RP1: variants seen among roughly 807,000 people sequenced by gnomAD.
The protein encoded by RP1 is oxygen-regulated protein 1.
In RP1, 16 loss-of-function variants were observed where a neutral mutation model predicts 14.8. The ratio of observed to expected loss-of-function variants is 1.08; its 90% CI spans 0.73 to 1.65. The LOEUF is 1.65. Among genes scored for constraint, RP1 ranks in the 40% most tolerant of loss-of-function variants. The probability of loss-of-function intolerance (pLI) is 0.00; values close to 1 mark genes in which losing one functional copy is unlikely to be tolerated. For synonymous variants in RP1, 876 were observed against 883.6 expected, an observed-to-expected ratio of 0.99 and a Z score of 0.15; for missense variants, 2,631 against 2,535.0, an observed-to-expected ratio of 1.04 and a Z score of -0.81.
Position 54,628,839 on chromosome 8 carries a change from A to C in RP1, c.4957A>C (p.Lys1653Gln). Reference sequence around the variant, plus strand: ...ATCTTTTTTTCCTGGGTCTACCCGCAAATCTCAGGTTTGTCCTTATAATTC... The same window carrying C: ...ATCTTTTTTTCCTGGGTCTACCCGCCAATCTCAGGTTTGTCCTTATAATTC... Reference protein sequence around the residue: ...KPSFFPGSTRKSQVCPYNSVE... With the variant: ...KPSFFPGSTRQSQVCPYNSVE... Residue 1653 changes from lysine to glutamine, a missense_variant, in exon 4 of 4, where the codon AAA (lysine) becomes CAA (glutamine). Coordinates refer to ENST00000220676, the MANE Select transcript of RP1 (RefSeq NM_006269.2). The C allele has an allele frequency of 6.2e-7, 1 of 1,614,134 alleles. No individual in the cohort carries two copies. Among genetic ancestry groups the C allele is most frequent in the South Asian group, 1.1e-5 (1 of 91,074 alleles).
chr8:54,679,432 G>A, exon 10 of RP1: 2 of 1,535,674 alleles, frequency 1.3e-6, no homozygotes. Context: ...GGCTAGATCA[G>A]GGGGAAGATG....
chr8:54,749,392 G>A (rs138111506), intron 19 of RP1, among the ~76,000 whole-genome samples: 199 of 152,190 alleles, frequency 1.3e-3, no homozygotes, highest in African/African-American at 4.6e-3. Flanking sequence ...ATTGTTGTTG[G>A]TTATTAATTG....
At chr8:54,734,510 A>T in intron 17 of RP1, 2 of 1,508,146 alleles carry the variant, frequency 1.3e-6, no homozygotes, top group Non-Finnish European at 1.8e-6. Context: ...CTGATGTTAT[A>T]TCTGATCTGC....
chr8:54,600,160 C>T (rs1186544723), intron 1 of RP1, among the ~76,000 whole-genome samples: 11 of 152,116 alleles, frequency 7.2e-5, no homozygotes, highest in Admixed American at 7.2e-4. Context: ...GTGTCTTTCC[C>T]ATGCTGTTCT....
exon 12 of RP1, chr8:54,679,851 C>G (rs1206379312): frequency 6.5e-7 from 1 of 1,535,874 alleles, no homozygotes; most frequent in African/African-American, 1.4e-5. Flanking sequence ...CTCTTCAGTT[C>G]TATAACAAGC....
chr8:54,820,533 C>A (rs964664334), intron 24 of RP1, among the ~76,000 whole-genome samples: 1 of 152,100 alleles, frequency 6.6e-6, no homozygotes, highest in African/African-American at 2.4e-5. Flanking sequence ...AGGAAGAATT[C>A]TGTCCTGTGT....
chr8:54,738,420 G>T (rs933097482), intron 18 of RP1, among the ~76,000 whole-genome samples: 3 of 152,114 alleles, frequency 2.0e-5, no homozygotes, highest in Non-Finnish European at 4.4e-5. Context: ...CTGTGGGCAG[G>T]TTTGCTTCTC....
At chr8:54,758,201 A>G (rs1809555833) in intron 21 of RP1, among the ~76,000 whole-genome samples, 1 of 152,142 alleles carries the variant, frequency 6.6e-6, no homozygotes, top group Non-Finnish European at 1.5e-5. Context: ...TCCTCAGATA[A>G]CTTTAGGACG....
chr8:54,637,786 T>G (rs1052782932), intron 3 of RP1, among the ~76,000 whole-genome samples: 6 of 152,296 alleles, frequency 3.9e-5, no homozygotes, highest in African/African-American at 1.4e-4. Context: ...CCTGACTACA[T>G]TTTCTTTTTT....
chr8:54,796,437 ACC>A (rs1356808680), intron 24 of RP1, among the ~76,000 whole-genome samples: 1 of 152,186 alleles, frequency 6.6e-6, no homozygotes, highest in Non-Finnish European at 1.5e-5. Context: ...AATCCTTGAT[ACC>A]TGTGAATATG....
chr8:54,621,237 A>G lies in RP1; in HGVS notation c.271A>G (p.Ser91Gly), dbSNP rs1319416151. The part of the protein sequence containing the change: ...RNISTPRGRH[S>G]ITRLEELEDG... The stretch of plus-strand genomic sequence containing the variant: ...CATCAGCACCCCTCGGGGCAGGCAC[A>G]GCATCACGCGCCTGGAGGAGCTGGA... Residue 91 changes from serine to glycine, a missense_variant, in exon 2 of 4, where the codon AGC (serine) becomes GGC (glycine). By Grantham distance (56) the Ser-to-Gly change is moderately conservative (BLOSUM62 0). Coordinates refer to ENST00000220676, the MANE Select transcript of RP1 (RefSeq NM_006269.2). The G allele has an allele frequency of 1.6e-5, 26 of 1,614,038 alleles. No individual in the cohort carries two copies. Among genetic ancestry groups the G allele is most frequent in the Admixed American group, 1.0e-4 (6 of 60,004 alleles).
chr8:54,823,575 T>C (rs894806391), intron 24 of RP1, among the ~76,000 whole-genome samples: 1 of 152,120 alleles, frequency 6.6e-6, no homozygotes, highest in Non-Finnish European at 1.5e-5. Context: ...AGTGGTCCAC[T>C]CACGTTGGCC....
chr8:54,633,895 C>T (rs150644512), downstream of RP1, among the ~76,000 whole-genome samples: 4,467 of 152,040 alleles, frequency 0.029, 129 homozygotes, highest in African/African-American at 0.066. Flanking sequence ...CACGAGAACC[C>T]TCTCGATGGG....
chr8:54,658,578 G>A (rs997867544), intron 6 of RP1, among the ~76,000 whole-genome samples: 18 of 148,882 alleles, frequency 1.2e-4, no homozygotes, highest in South Asian at 8.6e-4. Flanking sequence ...AAAAGACTGC[G>A]TATTACTCTA....
At chr8:54,608,614 C>T (rs1034626053) in intron 1 of RP1, among the ~76,000 whole-genome samples, 3 of 152,118 alleles carry the variant, frequency 2.0e-5, no homozygotes, top group African/African-American at 7.2e-5. Context: ...GACGATATTG[C>T]AGCAAACCAC....
At chr8:54,694,416 C>G (rs1364821792) in intron 12 of RP1, among the ~76,000 whole-genome samples, 2 of 152,156 alleles carry the variant, frequency 1.3e-5, no homozygotes, top group East Asian at 3.9e-4. Context: ...CCTTGTAGCT[C>G]TGGTAGAATT....
chr8:54,758,182 A>G (rs1300065851), intron 21 of RP1, among the ~76,000 whole-genome samples: 2 of 152,166 alleles, frequency 1.3e-5, no homozygotes. Context: ...ACTTAAATTC[A>G]TGATCCTTTC....
intron 12 of RP1, among the ~76,000 whole-genome samples, chr8:54,686,186 G>T (rs1433991466): frequency 1.3e-5 from 2 of 152,080 alleles, no homozygotes; most frequent in African/African-American, 2.4e-5. Flanking sequence ...GCAACAGGAG[G>T]TCTTTTATGT....
chr8:54,682,576 T>C (rs1172604027), intron 12 of RP1, among the ~76,000 whole-genome samples: 1 of 152,204 alleles, frequency 6.6e-6, no homozygotes, highest in Non-Finnish European at 1.5e-5. Flanking sequence ...TAATCTCCAT[T>C]CTGACTGATG....
Sources: allele counts gnomAD v4.1 joint callset (sites outside exome capture counted in the v4.1 genomes callset), GRCh38; gene constraint gnomAD v4.1.1; transcripts MANE v1.5; gene names NCBI Gene and HGNC (gene_info 2026-07-23, HGNC 2026-07-21).